The following SGK3 variants were observed in gnomAD, a reference collection of about 807,000 sequenced individuals.
The protein encoded by SGK3 is serum/glucocorticoid regulated kinase family member 3, also known as serine/threonine-protein kinase Sgk3.
A neutral mutation model predicts 68.5 loss-of-function variants in SGK3; 47 were observed. The ratio of observed to expected loss-of-function variants is 0.69; its 90% CI spans 0.54 to 0.87. The LOEUF is 0.87. Among genes scored for constraint, SGK3 ranks in the 40% least tolerant of loss-of-function variants. The pLI, the probability that SGK3 is intolerant of heterozygous loss-of-function variation, is 0.00. For synonymous variants in SGK3, 181 were observed against 189.1 expected (o/e 0.96, Z 0.35); for missense variants, 479 against 575.5 (o/e 0.83, Z 1.72).
At chr8:66,763,893 A>G (rs962625420) in intron 1 of SGK3, among the ~76,000 whole-genome samples, 1 of 152,152 alleles carries the variant, frequency 6.6e-6, no homozygotes, top group Non-Finnish European at 1.5e-5. Context: ...TATTTGAGGC[A>G]GGGTCTTGCT....
intron 15 of SGK3, among the ~76,000 whole-genome samples, chr8:66,848,927 G>A (rs991010038): frequency 1.3e-5 from 2 of 152,026 alleles, no homozygotes; most frequent in South Asian, 2.1e-4. Context: ...AACTTATGCC[G>A]CCCTCAGCAG....
At chr8:66,730,823 G>T (rs1805129187) in intron 1 of SGK3, among the ~76,000 whole-genome samples, 3 of 151,044 alleles carry the variant, frequency 2.0e-5, no homozygotes. Context: ...GATTGCAGGT[G>T]CCCACCACCA....
intron 1 of SGK3, among the ~76,000 whole-genome samples, chr8:66,762,907 T>A (rs1806216666): frequency 6.6e-6 from 1 of 152,248 alleles, no homozygotes; most frequent in Non-Finnish European, 1.5e-5. Flanking sequence ...AGAAACTTAA[T>A]GAGATTTAGA....
chr8:66,764,312 G>C (rs969092124), intron 1 of SGK3, among the ~76,000 whole-genome samples: 3 of 151,822 alleles, frequency 2.0e-5, no homozygotes, highest in Non-Finnish European at 4.4e-5. Flanking sequence ...GAAGTTATTT[G>C]AAGGAATTCC....
At chr8:66,809,403 C>T (rs186270085) in intron 4 of SGK3, among the ~76,000 whole-genome samples, 1 of 152,258 alleles carries the variant, frequency 6.6e-6, no homozygotes, top group East Asian at 1.9e-4. Context: ...TTTAGGATGA[C>T]TGAAGTTTGA....
intron 1 of SGK3, among the ~76,000 whole-genome samples, chr8:66,742,933 C>T (rs1201141775): frequency 6.6e-6 from 1 of 152,182 alleles, no homozygotes; most frequent in Admixed American, 6.5e-5. Flanking sequence ...CTTTAGCGCA[C>T]ACTTTGTTTT....
At chr8:66,756,569 CTTTTTT>C (rs34499404) in intron 1 of SGK3, among the ~76,000 whole-genome samples, 19 of 77,932 alleles carry the variant, frequency 2.4e-4, no homozygotes, top group Middle Eastern at 0.01. Flanking sequence ...CATGCATCTA[CTTTTTT>C]TTTTTTTTTT....
intron 8 of SGK3, 30 bp from the exon 9 acceptor site, chr8:66,835,733 A>C (rs766435199): frequency 3.2e-6 from 5 of 1,581,260 alleles, no homozygotes; most frequent in Non-Finnish European, 4.3e-6. Flanking sequence ...GAAATTTCTA[A>C]TAGTATACAC....
intron 4 of SGK3, among the ~76,000 whole-genome samples, chr8:66,810,292 AG>A (rs1808333543): frequency 6.6e-6 from 1 of 152,194 alleles, no homozygotes; most frequent in African/African-American, 2.4e-5. Context: ...AAAAAATAAA[AG>A]GTGAGGAATG....
At chr8:66,775,199 C>G (rs948354895) in intron 1 of SGK3, 2 of 152,356 alleles carry the variant, frequency 1.3e-5, no homozygotes, top group Admixed American at 6.5e-5. Flanking sequence ...CAGGTTTGGC[C>G]CCCGCAGGGA....
At chr8:66,731,871 A>T (rs1805166372) in intron 1 of SGK3, among the ~76,000 whole-genome samples, 2 of 152,008 alleles carry the variant, frequency 1.3e-5, no homozygotes, top group African/African-American at 4.8e-5. Flanking sequence ...GTTTAGTGGT[A>T]TTTTCTCAAG....
At chr8:66,717,228 C>CAA (rs201545769) in intron 1 of SGK3, among the ~76,000 whole-genome samples, 3 of 109,972 alleles carry the variant, frequency 2.7e-5, no homozygotes, top group Admixed American at 8.8e-5. Context: ...ACAAAAAAAA[C>CAA]AAAAAAAACA....
intron 1 of SGK3, chr8:66,775,483 CG>C (rs1806667254): frequency 6.6e-6 from 1 of 152,376 alleles, no homozygotes; most frequent in Non-Finnish European, 1.5e-5. Flanking sequence ...GCGGGGCGCG[CG>C]GGCGGCCCCT....
chr8:66,737,492 A>G (rs977832356), intron 1 of SGK3: 1 of 152,022 alleles, frequency 6.6e-6, no homozygotes, highest in African/African-American at 2.4e-5. Context: ...ACTTTAGCCT[A>G]TTGCCCTTTC....
At chr8:66,828,609 T>C (rs758950239) in intron 6 of SGK3, 45 bp from the exon 7 acceptor site, 1 of 1,609,944 alleles carries the variant, frequency 6.2e-7, no homozygotes, top group South Asian at 1.1e-5. Context: ...AATTAATTTT[T>C]GAAGCTCCAA....
intron 1 of SGK3, chr8:66,767,923 G>C (rs766240639): frequency 2.5e-5 from 27 of 1,081,106 alleles, no homozygotes; most frequent in African/African-American, 6.1e-5. Flanking sequence ...TGAAGGTCCA[G>C]ACCCCAGCTT....
chr8:66,738,548 C>T (rs182033031), intron 1 of SGK3, among the ~76,000 whole-genome samples: 22 of 152,260 alleles, frequency 1.4e-4, no homozygotes, highest in Admixed American at 1.2e-3. Context: ...TACTTCTGCA[C>T]AGACTATTCT....
chr8:66,802,697 G>A (rs1807994898), intron 3 of SGK3, among the ~76,000 whole-genome samples: 1 of 151,358 alleles, frequency 6.6e-6, no homozygotes, highest in East Asian at 1.9e-4. Context: ...GAGGGAGAAG[G>A]GGATGGGGAG....
chr8:66,809,855 T>C (rs186243248), intron 4 of SGK3, among the ~76,000 whole-genome samples: 1 of 152,298 alleles, frequency 6.6e-6, no homozygotes, highest in Admixed American at 6.5e-5. Context: ...CTCACTCATA[T>C]GGTTTTTGGT....
Sources: gnomAD v4.1 joint callset for allele counts (sites outside exome capture counted in the v4.1 genomes callset) on GRCh38, gnomAD v4.1.1 for gene constraint, MANE v1.5 for transcripts, NCBI Gene and HGNC (gene_info 2026-07-23, HGNC 2026-07-21) for gene names.